Variants in UNC13A observed in about 807,000 individuals in gnomAD.
UNC13A encodes protein unc-13 homolog A.
UNC13A carries 61 observed loss-of-function variants against 219.7 expected under a neutral mutation model. That is an observed-to-expected ratio of 0.28 (90% confidence interval 0.23 to 0.34). The LOEUF is 0.34. Among genes scored for constraint, UNC13A ranks in the 10% least tolerant of loss-of-function variants. UNC13A has a pLI of 1.00. For synonymous variants in UNC13A, 920 were observed against 884.6 expected (o/e 1.04, Z -0.71); for missense variants, 1,476 against 2,270.3 (o/e 0.65, Z 7.11).
In UNC13A at chr19:17,631,197, TCCC is replaced by T. The variant is rs1218774335; in HGVS notation, c.3429-450_3429-448del. ...TCCCTCCTTTCCTTCCTTCCCTCCCTCCCTCCCTTCCTTCCTTCCTTCCTTCTT... is the reference window on the plus strand; with the variant it reads ...TCCCTCCTTTCCTTCCTTCCCTCCCTTCCCTTCCTTCCTTCCTTCCTTCTT... On this transcript the variant is annotated intron_variant, in intron 28 of 43. Transcript: ENST00000519716. Among the ~76,000 whole-genome samples the T allele has an allele frequency of 2.0e-4, 6 of 29,404 alleles. 1 individual carries two copies. The highest frequency in any genetic ancestry group is 1.0e-3 in the African/African-American group (6 of 5,726). 19.3% of individuals were successfully genotyped at this position (29,404 alleles called of 152,430 possible). A position where few individuals can be genotyped will look rare whatever the true frequency, so the allele number is the denominator to read the frequency against.
chr19:17,669,475 G>A, intron 5 of UNC13A, 78 bp downstream of exon 5: 1 of 1,560,812 alleles, frequency 6.4e-7, no homozygotes. Flanking sequence ...ACCCAGGCCT[G>A]TTCACTCTCC....
chr19:17,611,876 T>C (rs1477500884), intron 41 of UNC13A, 21 bp from the exon 42 acceptor site: 2 of 1,607,420 alleles, frequency 1.2e-6, no homozygotes, highest in Admixed American at 1.7e-5. Context: ...CAGGGGAGGA[T>C]GGTCAGCGTG....
intron 26 of UNC13A, among the ~76,000 whole-genome samples, chr19:17,635,088 C>T (rs540233953): frequency 6.6e-6 from 1 of 152,168 alleles, no homozygotes; most frequent in South Asian, 2.1e-4. Context: ...CCAGGATGGT[C>T]TCCATCTGAC....
intron 35 of UNC13A, 142 bp downstream of exon 35, chr19:17,624,687 C>T: frequency 4.7e-6 from 6 of 1,266,790 alleles, no homozygotes; most frequent in Non-Finnish European, 6.3e-6. Context: ...CTTCCATGAC[C>T]CTTGAATGGC....
intron 11 of UNC13A, among the ~76,000 whole-genome samples, chr19:17,654,428 A>G (rs1452300945): frequency 6.6e-6 from 1 of 152,184 alleles, no homozygotes; most frequent in Non-Finnish European, 1.5e-5. Context: ...TCTATTTTAA[A>G]ACTGTTAAGA....
In UNC13A at chr19:17,618,465, G is replaced by C. The variant is rs371818617; in HGVS notation, c.4366C>G (p.Pro1456Ala). 106 of 1,593,688 alleles carry C rather than the reference G, an allele frequency of 6.7e-5. No homozygotes were observed. The highest frequency in any genetic ancestry group is 1.7e-4 in the Middle Eastern group (1 of 6,054). ...AACTCAACAACCGCGCACTGCTTTG[G>C]GGTCAAGCTCTTGGCTTCTTCTCGT... ...MVREEAKSLT[P>A]KQCAVVELAL... Residue 1456 changes from proline (P) to alanine (A), a missense_variant, in exon 40 of 44, where the codon CCA (proline) becomes GCA (alanine). Transcript: ENST00000519716.
chr19:17,631,475 C>T (rs991776073), intron 28 of UNC13A, among the ~76,000 whole-genome samples: 2 of 151,922 alleles, frequency 1.3e-5, no homozygotes, highest in East Asian at 1.9e-4. Flanking sequence ...GATCCTCCCA[C>T]CTTGGCCTCC....
intron 39 of UNC13A, 143 bp downstream of exon 39, chr19:17,618,763 G>T: frequency 3.6e-6 from 3 of 825,778 alleles, no homozygotes; most frequent in Non-Finnish European, 6.1e-6. Flanking sequence ...AATATCTTGT[G>T]CTTCAGTGAG....
rs769560668 is a variant in UNC13A at position 17,639,799 on chromosome 19, T to C, written c.2856+41A>G. The C allele has an allele frequency of 1.4e-5, 23 of 1,608,620 alleles. No homozygotes were observed. The Admixed American group carries it at 3.3e-4, about 23-fold the overall frequency. On this transcript the variant is annotated intron_variant, in intron 23 of 43. Transcript: ENST00000519716. ...TAGCTTTCCCCTCCAGGCACACACATGTGCGTGGGGTGAGCAAATTCTCAT... is the reference window on the plus strand; with the variant it reads ...TAGCTTTCCCCTCCAGGCACACACACGTGCGTGGGGTGAGCAAATTCTCAT...
In UNC13A at chr19:17,652,677, C is replaced by A. The variant is rs1420168682; in HGVS notation, c.1393G>T (p.Ala465Ser). ...TTAGACATCTCTCCTTCTCCCCGGG[C>A]CTGCAGGACAGACAGACAGATATGG... ...FNKVRMQLQE[A>S]RGEGEMSKSL... The change falls in exon 12 of 44, where the codon GCC becomes TCC. Residue 465 changes from alanine to serine, a missense_variant and splice_region_variant. Ala to Ser is a moderately conservative substitution (Grantham distance 99). Around this residue, in one of 14 missense-constraint regions of UNC13A, gnomAD observed 351 missense variants for 342.6 expected, o/e 1.02. Coordinates refer to ENST00000519716, the MANE Select transcript of UNC13A (RefSeq NM_001080421.3). The A allele has an allele frequency of 6.2e-7, 1 of 1,613,748 alleles. No homozygotes were observed. The highest frequency in any genetic ancestry group is 1.1e-5 in the South Asian group (1 of 91,082).
At chr19:17,631,018 G>T (rs1018006198) in intron 28 of UNC13A, among the ~76,000 whole-genome samples, 1 of 151,154 alleles carries the variant, frequency 6.6e-6, no homozygotes, top group Non-Finnish European at 1.5e-5. Context: ...TGGCAAGTGG[G>T]TTTATTCTCT....
At position 17,655,900 on chromosome 19, in the gene UNC13A, T is replaced by G. The variant is rs2079441024; in HGVS notation, c.1266A>C (p.Pro422=). 1 of 1,522,204 alleles carries G rather than the reference T, an allele frequency of 6.6e-7. No individual in the cohort carries two copies. Among genetic ancestry groups the G allele is most frequent in the Non-Finnish European group, 8.8e-7 (1 of 1,139,450 alleles). 94.3% of individuals were successfully genotyped at this position (1,522,204 alleles called of 1,614,324 possible). A position where few individuals can be genotyped will look rare whatever the true frequency, so the allele number is the denominator to read the frequency against. Residue 422 remains proline, a synonymous_variant, in exon 10 of 44, where the codon CCA becomes CCC. Transcript: ENST00000519716. ...PAAEQIPEAE[P]PKDEESFRPR... ...CCTGTTACCTCTCCTCGTCCTTGGGTGGCTCAGCCTCAGGGATCTGCTCAG... is the reference window on the plus strand; with the variant it reads ...CCTGTTACCTCTCCTCGTCCTTGGGGGGCTCAGCCTCAGGGATCTGCTCAG...
chr19:17,656,438 G>C (rs1297907753), intron 9 of UNC13A, 40 bp from the exon 10 acceptor site: 4 of 1,465,102 alleles, frequency 2.7e-6, no homozygotes, highest in Non-Finnish European at 3.6e-6. Flanking sequence ...GGGGTACCGA[G>C]TCACTGCCCA....
At chr19:17,653,323 G>GAAAT (rs1422069967) in intron 11 of UNC13A, among the ~76,000 whole-genome samples, 3 of 104,208 alleles carry the variant, frequency 2.9e-5, no homozygotes, top group East Asian at 6.7e-4. Context: ...CTCAGCTCCT[G>GAAAT]AAATAAATAT....
chr19:17,615,961 G>C (rs1044879402), intron 41 of UNC13A, among the ~76,000 whole-genome samples: 1 of 149,950 alleles, frequency 6.7e-6, no homozygotes, highest in Non-Finnish European at 1.5e-5. Context: ...GACAGAAGGA[G>C]ACCTTGTCTC....
chr19:17,669,721 C>A, intron 4 of UNC13A, 45 bp from the exon 5 acceptor site: 1 of 1,565,332 alleles, frequency 6.4e-7, no homozygotes, highest in South Asian at 1.2e-5. Context: ...ATCTGCTGGT[C>A]ACTAGTCCCC....
chr19:17,649,428 T>TGA lies in UNC13A; in HGVS notation c.1518+79_1518+80dup. 1 of 1,613,638 alleles carries TGA rather than the reference T, an allele frequency of 6.2e-7. No individual in the cohort carries two copies. Among genetic ancestry groups the TGA allele is most frequent in the Non-Finnish European group, 8.5e-7 (1 of 1,179,736 alleles). ...GCCTAGCTGGCCCCCAACCCCAGGTTGACCATGGGCAGTTCCACAGGTTGT... is the reference window on the plus strand; with the variant it reads ...GCCTAGCTGGCCCCCAACCCCAGGTTGAGACCATGGGCAGTTCCACAGGTTGT... On this transcript the variant is annotated intron_variant, in intron 13 of 43. Transcript: ENST00000519716. The surrounding 1 kb of genome is among the most constrained non-coding windows in gnomAD (Gnocchi z 4.4).
chr19:17,638,926 T>C (rs1345875409), intron 25 of UNC13A, among the ~76,000 whole-genome samples, 157 bp downstream of exon 25: 1 of 152,172 alleles, frequency 6.6e-6, no homozygotes, highest in Non-Finnish European at 1.5e-5. Context: ...TCATGAACTC[T>C]TCTCCCTAAT....
chr19:17,629,417 A>T (rs2076818250), intron 30 of UNC13A, 94 bp from the exon 31 acceptor site: 1 of 1,155,938 alleles, frequency 8.7e-7, no homozygotes, highest in Non-Finnish European at 1.3e-6. Flanking sequence ...TCAGTGATGA[A>T]CCCAAACCCT....
Sources: gnomAD v4.1 joint callset for allele counts (sites outside exome capture counted in the v4.1 genomes callset) on GRCh38, gnomAD v4.1.1 for gene constraint, gnomAD v4.1.1 regional missense constraint, Gnocchi (gnomAD v3.1) non-coding constraint, MANE v1.5 for transcripts, NCBI Gene and HGNC (gene_info 2026-07-23, HGNC 2026-07-21) for gene names.